The following STK10 variants were observed in gnomAD, a reference collection of about 807,000 sequenced individuals.
The protein encoded by STK10 is serine/threonine-protein kinase 10.
Under a neutral mutation model 113.8 loss-of-function variants are expected in STK10, and 78 were observed. The observed-to-expected ratio is 0.69, with a 90% CI of 0.57 to 0.83. The LOEUF is 0.83. Among genes scored for constraint, STK10 ranks in the 40% least tolerant of loss-of-function variants. STK10 has a pLI of 0.00. For missense variants in STK10, 1,109 were observed against 1,280.1 expected (o/e 0.87, Z 2.04); for synonymous variants, 465 against 494.7 (o/e 0.94, Z 0.80).
intron 3 of STK10, among the ~76,000 whole-genome samples, chr5:172,118,553 G>A (rs575299019): frequency 1.4e-4 from 21 of 152,252 alleles, no homozygotes; most frequent in African/African-American, 5.1e-4. Flanking sequence ...GGAGCCAGCA[G>A]AGGCAACAGC....
chr5:172,079,919 G>C (rs116776140), intron 12 of STK10, among the ~76,000 whole-genome samples: 2,092 of 152,066 alleles, frequency 0.014, 45 homozygotes, highest in African/African-American at 0.047. Flanking sequence ...AAATGTGCAG[G>C]TATACCTCAT....
chr5:172,101,470 CAAAAA>C (rs796588690), intron 7 of STK10, among the ~76,000 whole-genome samples: 16 of 72,618 alleles, frequency 2.2e-4, no homozygotes, highest in African/African-American at 4.0e-4. Context: ...ACTCCGTCTC[CAAAAA>C]AAAAAAAAAA....
intron 6 of STK10, among the ~76,000 whole-genome samples, chr5:172,106,401 C>CAAAAAAAAAAAAAAAAA (rs368671444): frequency 0.032 from 1,705 of 53,104 alleles, 389 homozygotes; most frequent in Non-Finnish European, 0.048. Context: ...GACCCTATCT[C>CAAAAAAAAAAAAAAAAA]AAAAAAAAAA....
chr5:172,160,205 G>A (rs1293440430), intron 1 of STK10, among the ~76,000 whole-genome samples: 1 of 151,876 alleles, frequency 6.6e-6, no homozygotes. Context: ...CAGGTGCGGT[G>A]GTTCATGCCT....
chr5:172,158,953 G>A (rs1770408443), intron 1 of STK10, among the ~76,000 whole-genome samples: 1 of 152,184 alleles, frequency 6.6e-6, no homozygotes, highest in African/African-American at 2.4e-5. Flanking sequence ...ATTTTGAGGT[G>A]TAGACAGCAG....
At chr5:172,184,925 T>A (rs907122692) in intron 1 of STK10, among the ~76,000 whole-genome samples, 5 of 152,118 alleles carry the variant, frequency 3.3e-5, no homozygotes, top group African/African-American at 9.7e-5. Context: ...CCTCCTGAAG[T>A]GCTAGGATTA....
chr5:172,170,920 C>T (rs1302812279), intron 1 of STK10, among the ~76,000 whole-genome samples: 1 of 152,192 alleles, frequency 6.6e-6, no homozygotes, highest in Non-Finnish European at 1.5e-5. Flanking sequence ...GGGGAGAGGA[C>T]TCCGGGGTCC....
At position 172,061,441 on chromosome 5, in the gene STK10, A is replaced by G. The variant is rs929434862; in HGVS notation, c.2083-173T>C. The G allele has an allele frequency of 8.6e-6, 7 of 811,196 alleles. No individual in the cohort carries two copies. In the East Asian group the frequency reaches 2.1e-4, roughly 24 times the overall value. 50.2% of individuals were successfully genotyped at this position (811,196 alleles called of 1,614,324 possible). ...CTTAGAGACGCATCAACCAATTTCA[A>G]CATGTGGGCTTCATCTGGATCCTGG... On this transcript the variant is annotated intron_variant, in intron 13 of 18. Transcript: ENST00000176763.
intron 2 of STK10, among the ~76,000 whole-genome samples, chr5:172,127,942 G>A (rs1334597740): frequency 1.3e-5 from 2 of 152,080 alleles, no homozygotes; most frequent in African/African-American, 2.4e-5. Flanking sequence ...GAGAAACTGA[G>A]GCCAAAAAAG....
chr5:172,061,159 T>C lies in STK10; in HGVS notation c.2192A>G (p.Lys731Arg). 6.2e-7 allele frequency: 1 copy of C among 1,612,450 alleles called. No homozygotes were observed. ...CCCACCTCGAAGGAGCTCCTGCTTC[T>C]TCATGAGGCACTCGCGCTCCTTGTC... The part of the protein sequence containing the change: ...ICDKERECLM[K>R]KQELLRDREA... The change falls in exon 14 of 19, where the codon AAG becomes AGG. Residue 731 changes from lysine (K) to arginine (R), a missense_variant. Transcript: ENST00000176763.
intron 17 of STK10, among the ~76,000 whole-genome samples, chr5:172,054,344 C>A (rs571831170): frequency 6.6e-6 from 1 of 152,186 alleles, no homozygotes; most frequent in Non-Finnish European, 1.5e-5. Flanking sequence ...AATGGTCATC[C>A]CCATGCCCAT....
At chr5:172,078,095 C>T (rs1319511983) in intron 12 of STK10, among the ~76,000 whole-genome samples, 1 of 152,168 alleles carries the variant, frequency 6.6e-6, no homozygotes, top group African/African-American at 2.4e-5. Flanking sequence ...ACTTGGAATT[C>T]CTACTTCCTC....
chr5:172,067,693 A>G (rs1157517240), intron 12 of STK10, among the ~76,000 whole-genome samples: 4 of 152,090 alleles, frequency 2.6e-5, no homozygotes, highest in Non-Finnish European at 5.9e-5. Context: ...GTCTGAAATT[A>G]AAATAAAACA....
rs1393034817 is a variant in STK10 at position 172,052,976 on chromosome 5, T to G, written c.2719A>C (p.Asn907His). 1 of 1,614,228 alleles carries G rather than the reference T, an allele frequency of 6.2e-7. No homozygotes were observed. Residue 907 changes from asparagine (N) to histidine (H), a missense_variant, in exon 18 of 19, where the codon AAC (asparagine) becomes CAC (histidine). Asn to His is a moderately conservative substitution (Grantham distance 68). Around this residue, in one of 5 missense-constraint regions of STK10, gnomAD observed 885 missense variants for 991.1 expected, o/e 0.89. Transcript: ENST00000176763. The stretch of plus-strand genomic sequence containing the variant: ...TCCCGCCATTCCTTCAGGTTCTGGT[T>G]ATGGCTCTCATCCAGGGCCTTCAGT... ...QKLKALDESH[N>H]QNLKEWRDKL...
chr5:172,091,703 T>A (rs1282021823), intron 9 of STK10, among the ~76,000 whole-genome samples: 1 of 152,086 alleles, frequency 6.6e-6, no homozygotes, highest in Non-Finnish European at 1.5e-5. Flanking sequence ...GCTAATTTTT[T>A]AATTTTTTTA....
chr5:172,073,513 G>T lies in STK10; in HGVS notation c.1990-8701C>A, dbSNP rs1678905496. Among the ~76,000 whole-genome samples, 3 of 152,006 alleles carry T rather than the reference G, an allele frequency of 2.0e-5. No homozygotes were observed. In the South Asian group the frequency reaches 6.2e-4, roughly 32 times the overall value. The stretch of plus-strand genomic sequence containing the variant: ...GGGTTTCAGTATGTTGCCCAGGCTG[G>T]TCTCAAACTCCTGGCCTCAAGTGAT... On this transcript the variant is annotated intron_variant, in intron 12 of 18. Coordinates refer to ENST00000176763, the MANE Select transcript of STK10 (RefSeq NM_005990.4).
intron 10 of STK10, among the ~76,000 whole-genome samples, chr5:172,084,828 A>C (rs1479006089): frequency 6.6e-6 from 1 of 152,218 alleles, no homozygotes; most frequent in Admixed American, 6.5e-5. Context: ...CTGAAGTCCG[A>C]AATGTTCCAG....
At chr5:172,100,248 C>T (rs749497475) in intron 7 of STK10, among the ~76,000 whole-genome samples, 2 of 152,148 alleles carry the variant, frequency 1.3e-5, no homozygotes, top group African/African-American at 2.4e-5. Context: ...TCTGGGCACA[C>T]GTGTCCCCAG....
chr5:172,046,399 A>G (rs1003843590), intron 18 of STK10, among the ~76,000 whole-genome samples: 1 of 151,960 alleles, frequency 6.6e-6, no homozygotes, highest in African/African-American at 2.4e-5. Flanking sequence ...TATGTTGGCC[A>G]AACATACCAT....
Sources: allele counts gnomAD v4.1 joint callset (sites outside exome capture counted in the v4.1 genomes callset), GRCh38; gene constraint gnomAD v4.1.1; regional missense constraint gnomAD v4.1.1; transcripts MANE v1.5; gene names NCBI Gene and HGNC (gene_info 2026-07-23, HGNC 2026-07-21).